ZNF667: variants seen among roughly 807,000 people sequenced by gnomAD.
ZNF667 encodes myocardial ischemic preconditioning upregulated 1 ortholog.
In ZNF667, 13 loss-of-function variants were observed where a neutral mutation model predicts 31.8. The ratio of observed to expected loss-of-function variants is 0.41; its 90% CI spans 0.27 to 0.65. ZNF667 has a LOEUF of 0.65. Ranked by LOEUF, ZNF667 falls within the 30% of genes least tolerant of loss-of-function variation. The probability of loss-of-function intolerance (pLI) is 0.32; values close to 1 mark genes in which losing one functional copy is unlikely to be tolerated. For synonymous variants in ZNF667, 228 were observed against 247.1 expected, an observed-to-expected ratio of 0.92 and a Z score of 0.73; for missense variants, 642 against 725.6, an observed-to-expected ratio of 0.88 and a Z score of 1.32.
rs745344120 is a variant in ZNF667 at position 56,442,298 on chromosome 19, C to T, written c.697G>A (p.Ala233Thr). ...TTGAAAGACTGACATTGACTCAAGG[C>T]CTTCCCACAGTCAAGAATTTCCTTT... Reference protein sequence around the residue: ...DGKEILDCGKALSQCQSFNIH... With the variant: ...DGKEILDCGKTLSQCQSFNIH... Residue 233 changes from alanine (A) to threonine (T), a missense_variant, in exon 7 of 7, where the codon GCC becomes ACC. Coordinates refer to ENST00000504904, the MANE Select transcript of ZNF667 (RefSeq NM_001321356.2). 2.0e-5 allele frequency: 33 copies of T among 1,613,944 alleles called. No individual in the cohort carries two copies. Among genetic ancestry groups the T allele is most frequent in the Middle Eastern group, 1.6e-4 (1 of 6,082 alleles).
In ZNF667 at chr19:56,444,042, A is replaced by C. The variant is rs1600401198; in HGVS notation, c.254-1301T>G. 28 of 389,608 alleles carry C rather than the reference A, an allele frequency of 7.2e-5. No homozygotes were observed. In the East Asian group the frequency reaches 1.0e-3, roughly 14 times the overall value. 24.1% of individuals were successfully genotyped at this position (389,608 alleles called of 1,614,324 possible). A position where few individuals can be genotyped will look rare whatever the true frequency, so the allele number is the denominator to read the frequency against. ...GTGAAAATTTACTACAAAAAAGTAT[A>C]AAGTATCTCATTGTAAAAATGCTGG... On this transcript the variant is annotated intron_variant, in intron 6 of 6. Coordinates refer to ENST00000504904, the MANE Select transcript of ZNF667 (RefSeq NM_001321356.2).
At chr19:56,469,691 AT>A (rs911191419) in intron 3 of ZNF667, among the ~76,000 whole-genome samples, 42 of 151,906 alleles carry the variant, frequency 2.8e-4, no homozygotes, top group African/African-American at 9.7e-4. Flanking sequence ...TGGTTCAGAT[AT>A]TTTTTTTCAG....
intron 3 of ZNF667, chr19:56,469,824 G>T (rs898495921): frequency 1.9e-5 from 8 of 422,416 alleles, no homozygotes; most frequent in African/African-American, 1.6e-4. Flanking sequence ...CACGGAAAGG[G>T]CTTAAGTGTT....
At position 56,442,527 on chromosome 19, in the gene ZNF667, G is replaced by A; in HGVS notation, c.468C>T (p.Ser156=). ...CNDCGKTFSR[S]FSLKLHQNIH... ...TGTTCTGATGAAGTTTAAGAGAGAA[G>A]CTTCGACTAAAGGTTTTACCACAGT... The change falls in exon 7 of 7, where the codon AGC becomes AGT. Residue 156 remains serine, a synonymous_variant. Coordinates refer to ENST00000504904, the MANE Select transcript of ZNF667 (RefSeq NM_001321356.2). 1.2e-6 allele frequency: 2 copies of A among 1,613,830 alleles called. No homozygotes were observed. The highest frequency in any genetic ancestry group is 1.7e-6 in the Non-Finnish European group (2 of 1,179,902).
Position 56,441,179 on chromosome 19 carries a change from A to C in ZNF667, c.1816T>G (p.Ser606Ala), listed in dbSNP as rs778588740. 12 of 1,603,664 alleles carry C rather than the reference A, an allele frequency of 7.5e-6. No individual in the cohort carries two copies. The African/African-American group carries it at 1.6e-4, about 22-fold the overall frequency. ...SSLIRHQNTHSEEKA is the reference protein window; with the variant it reads ...SSLIRHQNTHAEEKA The stretch of plus-strand genomic sequence containing the variant: ...AAACAACCTTAGGCTTTTTCTTCAG[A>C]ATGTGTATTCTGATGTCGAATCAGG... The change falls in exon 7 of 7, where the codon TCT (serine) becomes GCT (alanine). Residue 606 changes from serine (S) to alanine (A), a missense_variant. Physicochemically the swap from Ser to Ala is moderately conservative, Grantham distance 99 (BLOSUM62 1). Transcript: ENST00000504904. This position sits in a 1 kb window ranked among gnomAD's most constrained non-coding sequence, Gnocchi z 4.2.
intron 6 of ZNF667, among the ~76,000 whole-genome samples, chr19:56,448,518 C>A (rs1238336369): frequency 1.3e-5 from 2 of 152,060 alleles, no homozygotes; most frequent in Non-Finnish European, 2.9e-5. Flanking sequence ...GCTGGAGTGG[C>A]CAAGAGAGTG....
chr19:56,473,229 C>T (rs1043393667), intron 2 of ZNF667, among the ~76,000 whole-genome samples: 1 of 152,184 alleles, frequency 6.6e-6, no homozygotes, highest in Non-Finnish European at 1.5e-5. Context: ...CTCTGCCGTC[C>T]GCTATCTGTG....
At chr19:56,460,667 T>A (rs776002812) in intron 5 of ZNF667, 22 bp downstream of exon 5, 1 of 1,605,718 alleles carries the variant, frequency 6.2e-7, no homozygotes, top group South Asian at 1.1e-5. Flanking sequence ...GGTTCTGGAT[T>A]GTGGGGGACG....
intron 3 of ZNF667, among the ~76,000 whole-genome samples, chr19:56,465,076 T>C (rs545021125): frequency 2.0e-5 from 3 of 152,356 alleles, no homozygotes; most frequent in African/African-American, 7.2e-5. Flanking sequence ...AAGGCAGTTG[T>C]CTGAAAGTTG....
chr19:56,468,288 C>A (rs1022843616), intron 3 of ZNF667: 1 of 152,194 alleles, frequency 6.6e-6, no homozygotes, highest in African/African-American at 2.4e-5. Flanking sequence ...TAAATGCATA[C>A]CTGATTGCTC....
chr19:56,466,250 C>G (rs2043157097), intron 3 of ZNF667, among the ~76,000 whole-genome samples: 1 of 152,210 alleles, frequency 6.6e-6, no homozygotes, highest in Non-Finnish European at 1.5e-5. Flanking sequence ...GTGAGCATGA[C>G]TACAGGTTGG....
At position 56,441,833 on chromosome 19, in the gene ZNF667, A is replaced by G. The variant is rs775355550; in HGVS notation, c.1162T>C (p.Cys388Arg). 2 of 1,614,102 alleles carry G rather than the reference A, an allele frequency of 1.2e-6. No individual in the cohort carries two copies. Among genetic ancestry groups the G allele is most frequent in the South Asian group, 1.1e-5 (1 of 91,072 alleles). The change falls in exon 7 of 7, where the codon TGC becomes CGC. Residue 388 changes from cysteine (C) to arginine (R), a missense_variant. By Grantham distance (180) the Cys-to-Arg change is radical (BLOSUM62 -3). Transcript: ENST00000504904. This position sits in a 1 kb window ranked among gnomAD's most constrained non-coding sequence, Gnocchi z 4.2. ...TTGCAGACCTTCTCACATTTATTGC[A>G]TCTGTATAGTTTTTCTCCATTATGA... is the stretch of plus-strand genomic sequence containing the variant. Reference protein sequence around the residue: ...RIHNGEKLYRCNKCEKVCNRH... With the variant: ...RIHNGEKLYRRNKCEKVCNRH...
intron 5 of ZNF667, among the ~76,000 whole-genome samples, chr19:56,460,270 C>T (rs2043016922): frequency 6.6e-6 from 1 of 152,128 alleles, no homozygotes; most frequent in Non-Finnish European, 1.5e-5. Flanking sequence ...CATGCTACAA[C>T]ATGATGAACC....
intron 3 of ZNF667, among the ~76,000 whole-genome samples, chr19:56,464,943 G>A (rs1234865741): frequency 2.0e-5 from 3 of 152,218 alleles, no homozygotes; most frequent in Non-Finnish European, 4.4e-5. Flanking sequence ...GGAGAGGACA[G>A]AAATGGGGAC....
At chr19:56,476,489 A>T (rs2043410376) in intron 1 of ZNF667, among the ~76,000 whole-genome samples, 1 of 152,128 alleles carries the variant, frequency 6.6e-6, no homozygotes, top group Admixed American at 6.5e-5. Context: ...CCAGCACCAT[A>T]ACCAACACCT....
chr19:56,452,781 G>A (rs527339836), intron 6 of ZNF667, among the ~76,000 whole-genome samples: 5 of 151,998 alleles, frequency 3.3e-5, no homozygotes, highest in East Asian at 1.9e-4. Context: ...TTAGCCAGGC[G>A]TGGTGGCGGA....
At chr19:56,462,509 ACACACATG>A (rs1437747947) in intron 3 of ZNF667, 80 bp from the exon 4 acceptor site, 5 of 839,408 alleles carry the variant, frequency 6.0e-6, no homozygotes, top group African/African-American at 1.7e-5. Context: ...ACACACACAG[ACACACATG>A]CACACATATG....
intron 6 of ZNF667, among the ~76,000 whole-genome samples, chr19:56,447,576 T>C (rs2042731914): frequency 6.6e-6 from 1 of 151,616 alleles, no homozygotes; most frequent in African/African-American, 2.4e-5. Context: ...CAGAAGACCC[T>C]GTCCCTGTCT....
intron 3 of ZNF667, chr19:56,467,928 G>C (rs1477909343): frequency 1.3e-5 from 2 of 152,232 alleles, no homozygotes; most frequent in East Asian, 3.9e-4. Flanking sequence ...CATTACACAG[G>C]CAAGATTAAA....
Sources: gnomAD v4.1 joint callset for allele counts (sites outside exome capture counted in the v4.1 genomes callset) on GRCh38, gnomAD v4.1.1 for gene constraint, Gnocchi (gnomAD v3.1) non-coding constraint, MANE v1.5 for transcripts, NCBI Gene and HGNC (gene_info 2026-07-23, HGNC 2026-07-21) for gene names.